ESR1: variants seen among roughly 807,000 people sequenced by gnomAD.
ESR1 encodes estrogen receptor 1, also known as estrogen receptor.
Under a neutral mutation model 52.7 loss-of-function variants are expected in ESR1, and 12 were observed. The ratio of observed to expected loss-of-function variants is 0.23; its 90% confidence interval spans 0.15 to 0.37. The LOEUF (loss-of-function observed/expected upper bound fraction) is 0.37. Ranked by LOEUF, ESR1 falls within the 10% of genes least tolerant of loss-of-function variation. The probability of loss-of-function intolerance (pLI) is 1.00; values close to 1 mark genes in which losing one functional copy is unlikely to be tolerated. For missense variants in ESR1, 584 were observed against 779.7 expected (o/e 0.75, Z 2.99); for synonymous variants, 305 against 316.8 (o/e 0.96, Z 0.39).
intron 2 of ESR1, among the ~76,000 whole-genome samples, chr6:151,852,973 A>T (rs151135830): frequency 0.068 from 10,333 of 151,620 alleles, 738 homozygotes; most frequent in East Asian, 0.24. Flanking sequence ...AGAGATTGAG[A>T]CCATCCTGGC....
rs527595802 is a variant in ESR1, at chr6:152,114,783, T to C, written c.851-10483T>C. On this transcript the variant is annotated intron_variant, in intron 6 of 6. Transcript: ENST00000427531. ...GCGGGCGCCTGTAGTCCCAGCTACTTGGGAGGCTGAGGCAGGAGAATGGCG... is the reference window on the plus strand; with the variant it reads ...GCGGGCGCCTGTAGTCCCAGCTACTCGGGAGGCTGAGGCAGGAGAATGGCG... Among the ~76,000 whole-genome samples, 182 of 144,044 alleles carry C rather than the reference T, an allele frequency of 1.3e-3. 1 individual carries two copies. Among genetic ancestry groups the C allele is most frequent in the African/African-American group, 4.0e-3 (154 of 38,890 alleles). 94.5% of individuals were successfully genotyped at this position (144,044 alleles called of 152,430 possible).
chr6:151,938,510 G>A (rs965406373), intron 3 of ESR1, among the ~76,000 whole-genome samples: 13 of 152,170 alleles, frequency 8.5e-5, no homozygotes, highest in African/African-American at 2.9e-4. Flanking sequence ...AGCAGTTGAT[G>A]TGTCTTTAGC....
intron 1 of ESR1, among the ~76,000 whole-genome samples, chr6:151,836,079 T>C (rs906848010): frequency 6.6e-6 from 1 of 152,102 alleles, no homozygotes; most frequent in African/African-American, 2.4e-5. Flanking sequence ...AATTCAAATG[T>C]GGAGTATTGT....
intron 2 of ESR1, among the ~76,000 whole-genome samples, chr6:151,855,274 G>T (rs1244605839): frequency 6.6e-6 from 1 of 152,120 alleles, no homozygotes; most frequent in East Asian, 1.9e-4. Flanking sequence ...AGCCATGATG[G>T]TATATTATAA....
chr6:152,002,442 A>G (rs2042033085), intron 4 of ESR1, among the ~76,000 whole-genome samples: 1 of 151,990 alleles, frequency 6.6e-6, no homozygotes, highest in Admixed American at 6.6e-5. Context: ...TGACAATAGT[A>G]TTTGAAATGC....
In ESR1 at chr6:151,953,073, A is replaced by G. The variant is rs2036494518; in HGVS notation, c.1096+8565A>G. On this transcript the variant is annotated intron_variant, in intron 4 of 7. Coordinates refer to ENST00000206249, the MANE Select transcript of ESR1 (RefSeq NM_000125.4). The stretch of plus-strand genomic sequence containing the variant: ...GATGACCGCTTGGACTGACTATAGT[A>G]TAGCTGCGTTCTTAGAATGGCCCTG... Among the ~76,000 whole-genome samples the G allele has an allele frequency of 2.0e-5, 3 of 152,276 alleles. No individual in the cohort carries two copies. In the South Asian group the frequency reaches 6.2e-4, roughly 32 times the overall value.
chr6:152,106,655 C>G (rs962108911), downstream of ESR1, among the ~76,000 whole-genome samples: 10 of 152,192 alleles, frequency 6.6e-5, no homozygotes, highest in African/African-American at 2.4e-4. Flanking sequence ...GTGGCACAAT[C>G]TCAGCTCACT....
chr6:151,688,454 G>C (rs557545024), upstream of ESR1, among the ~76,000 whole-genome samples: 6 of 152,202 alleles, frequency 3.9e-5, no homozygotes, highest in African/African-American at 9.6e-5. Flanking sequence ...TTCCTCAACT[G>C]CAAAATGGGT....
intron 3 of ESR1, among the ~76,000 whole-genome samples, chr6:151,915,265 TG>T (rs2029863826): frequency 6.6e-6 from 1 of 152,130 alleles, no homozygotes; most frequent in South Asian, 2.1e-4. Flanking sequence ...TTTCTGCTGT[TG>T]GGAAAGCCCT....
At chr6:152,012,060 T>A (rs1326957378) in intron 5 of ESR1, among the ~76,000 whole-genome samples, 16 of 142,160 alleles carry the variant, frequency 1.1e-4, no homozygotes, top group African/African-American at 3.7e-4. Flanking sequence ...ACACTCTCTC[T>A]CTCTCTCTCT....
intron 6 of ESR1, among the ~76,000 whole-genome samples, chr6:152,085,205 A>T (rs1032733462): frequency 6.6e-6 from 1 of 152,100 alleles, no homozygotes; most frequent in Non-Finnish European, 1.5e-5. Flanking sequence ...TGAGAGGCTG[A>T]GGTGGGAGGA....
intron 2 of ESR1, among the ~76,000 whole-genome samples, chr6:151,734,844 A>G (rs1221926954): frequency 3.3e-5 from 5 of 151,928 alleles, no homozygotes; most frequent in African/African-American, 1.2e-4. Flanking sequence ...CTAGTCTGGA[A>G]CTCCTGACCT....
intron 1 of ESR1, among the ~76,000 whole-genome samples, chr6:151,670,917 C>A (rs1582853918): frequency 6.6e-6 from 1 of 152,146 alleles, no homozygotes; most frequent in South Asian, 2.1e-4. Flanking sequence ...TACAGGCCTG[C>A]AACACCATAC....
chr6:151,972,035 A>G (rs1404538641), intron 4 of ESR1, among the ~76,000 whole-genome samples: 1 of 152,172 alleles, frequency 6.6e-6, no homozygotes, highest in Non-Finnish European at 1.5e-5. Context: ...CTTTACACAC[A>G]TAAACTAGAA....
intron 5 of ESR1, among the ~76,000 whole-genome samples, chr6:152,037,925 A>G (rs1463148356): frequency 6.6e-6 from 1 of 152,098 alleles, no homozygotes; most frequent in Non-Finnish European, 1.5e-5. Context: ...GGACAAGACT[A>G]ATAGGATAGA....
intron 3 of ESR1, among the ~76,000 whole-genome samples, chr6:151,935,636 A>T (rs557406275): frequency 5.3e-5 from 8 of 152,370 alleles, no homozygotes; most frequent in Admixed American, 1.3e-4. Context: ...ACCAACTCAC[A>T]TACTAGGGAA....
chr6:151,897,669 G>C (rs1314504008), intron 3 of ESR1, among the ~76,000 whole-genome samples: 1 of 152,102 alleles, frequency 6.6e-6, no homozygotes, highest in Non-Finnish European at 1.5e-5. Flanking sequence ...GAGCATTTAG[G>C]CTATTTAAAT....
chr6:152,118,843 C>A lies in ESR1; in HGVS notation c.851-6423C>A, dbSNP rs530256371. On this transcript the variant is annotated intron_variant, in intron 6 of 6. Coordinates refer to the ESR1 transcript ENST00000427531. ...TGAGGTCCTCCCCGAGAGGACTCCC[C>A]GAGGGAGCTTGGAGCAGTTCCTGCC... is the stretch of plus-strand genomic sequence containing the variant. Among the ~76,000 whole-genome samples the A allele has an allele frequency of 3.9e-5, 6 of 152,224 alleles. No individual in the cohort carries two copies. The East Asian group carries it at 1.2e-3, about 29-fold the overall frequency.
chr6:151,838,187 T>A (rs1783694890), intron 1 of ESR1, among the ~76,000 whole-genome samples: 1 of 152,030 alleles, frequency 6.6e-6, no homozygotes, highest in Non-Finnish European at 1.5e-5. Context: ...TTTGGTACTG[T>A]GATGGTACAG....
Sources: allele counts gnomAD v4.1 joint callset (sites outside exome capture counted in the v4.1 genomes callset), GRCh38; gene constraint gnomAD v4.1.1; transcripts MANE v1.5; gene names NCBI Gene and HGNC (gene_info 2026-07-23, HGNC 2026-07-21).